The following CMSS1 variants were observed in gnomAD, a reference collection of about 807,000 sequenced individuals.
CMSS1 encodes the protein protein CMSS1.
A neutral mutation model predicts 43.5 loss-of-function variants in CMSS1; 33 were observed. That is an observed-to-expected ratio of 0.76 (90% CI 0.57 to 1.01). CMSS1 has a LOEUF of 1.01. CMSS1 is among the 50% of genes least tolerant of loss of function. CMSS1 has a pLI of 0.00. For synonymous variants in CMSS1, 115 were observed against 117.2 expected (o/e 0.98, Z 0.12); for missense variants, 313 against 326.4 (o/e 0.96, Z 0.32).
intron 2 of CMSS1, among the ~76,000 whole-genome samples, chr3:100,153,891 C>T (rs1295939295): frequency 3.3e-5 from 5 of 150,984 alleles, no homozygotes; most frequent in African/African-American, 1.2e-4. Flanking sequence ...TGCTCTGTCG[C>T]CCAGGCTGGA....
intron 1 of CMSS1, among the ~76,000 whole-genome samples, chr3:99,827,115 T>G (rs1942549986): frequency 6.6e-6 from 1 of 152,236 alleles, no homozygotes. Flanking sequence ...ATTTGCATTT[T>G]TATTATATTA....
At chr3:99,969,718 C>G (rs1243836708) in intron 1 of CMSS1, among the ~76,000 whole-genome samples, 1 of 152,048 alleles carries the variant, frequency 6.6e-6, no homozygotes, top group African/African-American at 2.4e-5. Flanking sequence ...AGCAGCCCCA[C>G]TAGATAATTA....
chr3:100,049,529 T>A (rs1307440903), intron 1 of CMSS1, among the ~76,000 whole-genome samples: 1 of 152,152 alleles, frequency 6.6e-6, no homozygotes, highest in African/African-American at 2.4e-5. Flanking sequence ...AAAATTAAAA[T>A]AATTCATTGA....
intron 1 of CMSS1, among the ~76,000 whole-genome samples, chr3:99,901,900 C>T (rs1339955904): frequency 6.6e-6 from 1 of 152,028 alleles, no homozygotes; most frequent in Non-Finnish European, 1.5e-5. Flanking sequence ...CCTAGTAGAG[C>T]TCAGCATAAT....
chr3:99,986,715 C>G (rs1330600986), intron 1 of CMSS1, among the ~76,000 whole-genome samples: 6 of 152,004 alleles, frequency 3.9e-5, no homozygotes, highest in African/African-American at 1.4e-4. Context: ...TTCCTCTAGT[C>G]TAGTGGCCCT....
At chr3:99,992,692 T>C (rs1016998425) in intron 1 of CMSS1, among the ~76,000 whole-genome samples, 2 of 152,002 alleles carry the variant, frequency 1.3e-5, no homozygotes, top group African/African-American at 4.8e-5. Flanking sequence ...GTCTAGTTTT[T>C]TTTTGGTTGC....
intron 1 of CMSS1, among the ~76,000 whole-genome samples, chr3:99,957,297 A>T (rs1487913190): frequency 6.6e-6 from 1 of 152,092 alleles, no homozygotes; most frequent in Non-Finnish European, 1.5e-5. Flanking sequence ...ATTCTTAAGA[A>T]TTCTGATTTC....
chr3:99,930,382 T>C (rs973603499), intron 1 of CMSS1, among the ~76,000 whole-genome samples: 6 of 152,218 alleles, frequency 3.9e-5, no homozygotes, highest in Non-Finnish European at 7.3e-5. Flanking sequence ...TAGATTTTCA[T>C]GTAGGTTAAT....
At chr3:99,951,173 G>A (rs915205030) in intron 1 of CMSS1, among the ~76,000 whole-genome samples, 1 of 152,166 alleles carries the variant, frequency 6.6e-6, no homozygotes, top group Non-Finnish European at 1.5e-5. Context: ...TGTTCACTCA[G>A]CTAACTCCCA....
Position 100,168,740 on chromosome 3 carries a change from G to GT in CMSS1, c.518+911dup, listed in dbSNP as rs1036921219. Among the ~76,000 whole-genome samples the GT allele has an allele frequency of 4.3e-3, 626 of 144,116 alleles. 3 individuals are homozygous for GT. The highest frequency in any genetic ancestry group is 8.1e-3 in the African/African-American group (321 of 39,448). The allele number at this position is 144,116 out of a possible 152,430, so 94.5% of individuals were successfully genotyped here. A position where few individuals can be genotyped will look rare whatever the true frequency, so the allele number is the denominator to read the frequency against. On this transcript the variant is annotated intron_variant, in intron 6 of 9. Transcript: ENST00000421999. ...AGTAAAACTCCAATAGAATTGTGTT[G>GT]TTTTTTTTTTTAACTGGATAAACTA...
At chr3:99,992,421 G>A (rs1459354395) in intron 1 of CMSS1, among the ~76,000 whole-genome samples, 2 of 152,064 alleles carry the variant, frequency 1.3e-5, no homozygotes, top group African/African-American at 2.4e-5. Flanking sequence ...CTGGTAATTA[G>A]TAATGTTGAG....
At chr3:100,141,821 T>A (rs2066808016) in intron 1 of CMSS1, among the ~76,000 whole-genome samples, 1 of 152,182 alleles carries the variant, frequency 6.6e-6, no homozygotes, top group African/African-American at 2.4e-5. Flanking sequence ...GCAGTCTTAG[T>A]GACTCCACTT....
intron 1 of CMSS1, chr3:99,925,765 G>A (rs999344518): frequency 2.8e-6 from 2 of 711,848 alleles, no homozygotes; most frequent in African/African-American, 3.9e-5. Flanking sequence ...TGGAAGTGGA[G>A]GTGACCTCAT....
chr3:100,048,015 T>A (rs1559738808), intron 1 of CMSS1, among the ~76,000 whole-genome samples: 3 of 152,116 alleles, frequency 2.0e-5, no homozygotes, highest in African/African-American at 7.2e-5. Context: ...GGCCATAGCT[T>A]GTGAAAGTGA....
At chr3:99,849,435 T>C in intron 1 of CMSS1, 1 of 1,614,160 alleles carries the variant, frequency 6.2e-7, no homozygotes, top group Non-Finnish European at 8.5e-7. Flanking sequence ...TTAGTTTTTT[T>C]TGCAGGACTG....
chr3:99,846,010 T>C (rs550540676), intron 1 of CMSS1, among the ~76,000 whole-genome samples: 53 of 152,354 alleles, frequency 3.5e-4, no homozygotes, highest in African/African-American at 1.2e-3. Flanking sequence ...ACAAGACTTA[T>C]GGTGTTAACT....
chr3:99,913,686 C>G (rs1443122489), intron 1 of CMSS1, among the ~76,000 whole-genome samples: 2 of 152,092 alleles, frequency 1.3e-5, no homozygotes, highest in African/African-American at 4.8e-5. Context: ...AGAAACTATT[C>G]ATGGTGGATT....
chr3:100,093,141 A>G (rs2066142202), intron 1 of CMSS1, among the ~76,000 whole-genome samples: 1 of 152,178 alleles, frequency 6.6e-6, no homozygotes, highest in Non-Finnish European at 1.5e-5. Context: ...TACTCTATGC[A>G]CTGGTCATCA....
intron 1 of CMSS1, among the ~76,000 whole-genome samples, chr3:99,913,295 A>G (rs754642986): frequency 4.6e-5 from 7 of 152,200 alleles, no homozygotes; most frequent in South Asian, 2.1e-4. Flanking sequence ...CTATTTTCCA[A>G]TGCACCATTT....
Sources: allele counts gnomAD v4.1 joint callset (sites outside exome capture counted in the v4.1 genomes callset), GRCh38; gene constraint gnomAD v4.1.1; transcripts MANE v1.5; gene names NCBI Gene and HGNC (gene_info 2026-07-23, HGNC 2026-07-21).